The following PRR14L variants were observed in gnomAD, a reference collection of about 807,000 sequenced individuals.
PRR14L encodes proline rich 14 like.
A neutral mutation model predicts 155.0 loss-of-function variants in PRR14L; 80 were observed. That is an observed-to-expected ratio of 0.52 (90% CI 0.43 to 0.62). The LOEUF is 0.62. Ranked by LOEUF, PRR14L falls within the 20% of genes least tolerant of loss-of-function variation. The probability of loss-of-function intolerance (pLI) is 0.00; values close to 1 mark genes in which losing one functional copy is unlikely to be tolerated. For missense variants in PRR14L, 2,469 were observed against 2,548.0 expected (o/e 0.97, Z 0.67); for synonymous variants, 883 against 916.0 (o/e 0.96, Z 0.65).
chr22:31,729,987 A>G (rs2074739222), intron 2 of PRR14L, among the ~76,000 whole-genome samples: 1 of 151,272 alleles, frequency 6.6e-6, no homozygotes, highest in East Asian at 2.0e-4. Context: ...CATCTCTACT[A>G]AAATACAAAA....
chr22:31,747,012 G>A (rs1466346607), intron 1 of PRR14L, among the ~76,000 whole-genome samples: 1 of 151,854 alleles, frequency 6.6e-6, no homozygotes, highest in Non-Finnish European at 1.5e-5. Context: ...CACTGAGTTA[G>A]CCAGGATGGT....
chr22:31,744,568 T>C (rs1442580092), intron 1 of PRR14L, among the ~76,000 whole-genome samples: 1 of 152,214 alleles, frequency 6.6e-6, no homozygotes, highest in Non-Finnish European at 1.5e-5. Flanking sequence ...CCACTGTGAC[T>C]AGCCACATGC....
chr22:31,712,491 C>A lies in PRR14L; in HGVS notation c.5348G>T (p.Gly1783Val). ...CTGAGTGTGGGTCTGACTATGGACGCCAGTGTCTTCCCTGAATGTTGCCAT... is the reference window on the plus strand; with the variant it reads ...CTGAGTGTGGGTCTGACTATGGACGACAGTGTCTTCCCTGAATGTTGCCAT... The part of the protein sequence containing the change: ...PGMATFREDT[G>V]VHSQTHTQAP... Residue 1783 changes from glycine (G) to valine (V), a missense_variant, in exon 4 of 9, where the codon GGC becomes GTC. Transcript: ENST00000327423. The A allele has an allele frequency of 6.4e-7, 1 of 1,552,058 alleles. No individual in the cohort carries two copies. Among genetic ancestry groups the A allele is most frequent in the Middle Eastern group, 1.7e-4 (1 of 5,990 alleles).
rs1318464824 is a variant in PRR14L at position 31,684,338 on chromosome 22, T to A, written c.*1189A>T. ...TGAGATCCCACTGCAGGAACACATC[T>A]CTGGGTCTGAAACATGACCCCGACT... On this transcript the variant is annotated 3_prime_UTR_variant, in exon 9 of 9. Coordinates refer to ENST00000327423, the MANE Select transcript of PRR14L (RefSeq NM_173566.3). 2 of 152,148 alleles carry A rather than the reference T, an allele frequency of 1.3e-5. No individual in the cohort carries two copies. The highest frequency in any genetic ancestry group is 3.9e-4 in the East Asian group (2 of 5,194). 9.4% of individuals were successfully genotyped at this position (152,148 alleles called of 1,614,324 possible).
intron 2 of PRR14L, among the ~76,000 whole-genome samples, chr22:31,731,848 C>T (rs1441951050): frequency 6.6e-6 from 1 of 152,126 alleles, no homozygotes; most frequent in African/African-American, 2.4e-5. Flanking sequence ...TTACTGTTTG[C>T]TAAAGTAATG....
intron 3 of PRR14L, among the ~76,000 whole-genome samples, chr22:31,721,299 A>G (rs753916834): frequency 2.0e-5 from 3 of 152,250 alleles, no homozygotes; most frequent in Non-Finnish European, 4.4e-5. Context: ...CATCCTACCA[A>G]TTAAAGGCTC....
In PRR14L at chr22:31,713,633, T is replaced by G; in HGVS notation, c.4206A>C (p.Glu1402Asp). The stretch of plus-strand genomic sequence containing the variant: ...CTTTTTGTTGACGTATATATTTCTC[T>G]TCTTTCTGCAACATGTAGTCCAAAA... ...PEVLDYMLQK[E>D]EKYIRQQKAH... Residue 1402 changes from glutamate to aspartate, a missense_variant, in exon 4 of 9, where the codon GAA (glutamate) becomes GAC (aspartate). Glu to Asp is a conservative substitution (Grantham distance 45). This residue lies in a region of PRR14L where 2,363 missense variants were observed against 2,371.6 expected (regional missense o/e 1.00). Coordinates refer to ENST00000327423, the MANE Select transcript of PRR14L (RefSeq NM_173566.3). 6 of 1,551,984 alleles carry G rather than the reference T, an allele frequency of 3.9e-6. No individual in the cohort carries two copies. The highest frequency in any genetic ancestry group is 5.2e-6 in the Non-Finnish European group (6 of 1,147,058).
In PRR14L at chr22:31,713,632, CTT is replaced by C; in HGVS notation, c.4205_4206del (p.Glu1402GlyfsTer20). The stretch of plus-strand genomic sequence containing the variant: ...GCTTTTTGTTGACGTATATATTTCT[CTT>C]CTTTCTGCAACATGTAGTCCAAAAC... ...PEVLDYMLQK[E>X]EKYIRQQKAH... On this transcript the variant is annotated frameshift_variant, in exon 4 of 9. Coordinates refer to ENST00000327423, the MANE Select transcript of PRR14L (RefSeq NM_173566.3). LOFTEE classifies it high-confidence loss of function. The C allele has an allele frequency of 6.4e-7, 1 of 1,551,914 alleles. No homozygotes were observed. The highest frequency in any genetic ancestry group is 8.7e-7 in the Non-Finnish European group (1 of 1,147,044).
chr22:31,714,948 T>C lies in PRR14L; in HGVS notation c.2891A>G (p.Gln964Arg). 6.4e-7 allele frequency: 1 copy of C among 1,552,084 alleles called. No individual in the cohort carries two copies. Among genetic ancestry groups the C allele is most frequent in the Non-Finnish European group, 8.7e-7 (1 of 1,147,034 alleles). The stretch of plus-strand genomic sequence containing the variant: ...ACAGTCAAGGACTTCATCTGCCTTC[T>C]GATCGAGTGTTTCAACTGATTTTAC... The part of the protein sequence containing the change: ...KNVKSVETLD[Q>R]KADEVLDCQS... Residue 964 changes from glutamine to arginine, a missense_variant, in exon 4 of 9, where the codon CAG becomes CGG. Around this residue, in one of 2 missense-constraint regions of PRR14L, gnomAD observed 2,363 missense variants for 2,371.6 expected, o/e 1.00. Coordinates refer to ENST00000327423, the MANE Select transcript of PRR14L (RefSeq NM_173566.3).
intron 1 of PRR14L, among the ~76,000 whole-genome samples, chr22:31,744,962 C>T (rs531919092): frequency 1.3e-5 from 2 of 152,182 alleles, no homozygotes; most frequent in African/African-American, 4.8e-5. Context: ...AACAGACACC[C>T]CCTCCTTTTT....
rs548641284 is a variant in PRR14L at position 31,716,392 on chromosome 22, C to T, written c.1447G>A (p.Val483Ile). 50 of 1,549,692 alleles carry T rather than the reference C, an allele frequency of 3.2e-5. No individual in the cohort carries two copies. Among genetic ancestry groups the T allele is most frequent in the Admixed American group, 4.0e-5 (2 of 50,596 alleles). Reference sequence around the variant, plus strand: ...TCAGGGTTTGTCAAGTTACCTTGAACGTGTACAGTAATTTTCAAATCATTT... The same window carrying T: ...TCAGGGTTTGTCAAGTTACCTTGAATGTGTACAGTAATTTTCAAATCATTT... ...NKNDLKITVH[V>I]QGNLTNPEDH... Residue 483 changes from valine to isoleucine, a missense_variant, in exon 4 of 9, where the codon GTT (valine) becomes ATT (isoleucine). By Grantham distance (29) the Val-to-Ile change is conservative (BLOSUM62 3). Transcript: ENST00000327423.
rs990010673 is a variant in PRR14L, at chr22:31,737,430, G to T, written c.474+957C>A. Among the ~76,000 whole-genome samples the T allele has an allele frequency of 7.9e-5, 12 of 151,048 alleles. No individual in the cohort carries two copies. The East Asian group carries it at 1.8e-3, about 23-fold the overall frequency. On this transcript the variant is annotated intron_variant, in intron 2 of 8. Transcript: ENST00000327423. The stretch of plus-strand genomic sequence containing the variant: ...TGGGAGGCAGAGGTTGCAGTGAGCC[G>T]AGATCAAACCACTGCACTTCAGCCT...
intron 2 of PRR14L, among the ~76,000 whole-genome samples, chr22:31,734,006 C>T (rs1601515090): frequency 6.6e-6 from 1 of 152,068 alleles, no homozygotes; most frequent in South Asian, 2.1e-4. Context: ...GGGAGTCTCA[C>T]TCTGTCGCCA....
chr22:31,710,959 T>C (rs1157668585), intron 4 of PRR14L, among the ~76,000 whole-genome samples: 1 of 152,244 alleles, frequency 6.6e-6, no homozygotes, highest in African/African-American at 2.4e-5. Flanking sequence ...AGCCTCTACA[T>C]TGCCAAAAGG....
chr22:31,742,254 G>A (rs979018345), intron 1 of PRR14L, among the ~76,000 whole-genome samples: 6 of 152,238 alleles, frequency 3.9e-5, no homozygotes, highest in African/African-American at 1.2e-4. Flanking sequence ...CTACCACAGA[G>A]ATATGGGTGT....
intron 1 of PRR14L, among the ~76,000 whole-genome samples, chr22:31,749,435 C>G (rs1000352690): frequency 5.9e-5 from 9 of 152,084 alleles, no homozygotes; most frequent in Non-Finnish European, 1.3e-4. Context: ...TCTTGGGGTA[C>G]AGGCGAAAAA....
chr22:31,729,467 T>C (rs2074736083), intron 2 of PRR14L, among the ~76,000 whole-genome samples: 1 of 152,194 alleles, frequency 6.6e-6, no homozygotes, highest in South Asian at 2.1e-4. Context: ...TCTGCCCACC[T>C]TGGCCTCCCA....
At chr22:31,706,364 C>CAAAAAA (rs1192585065) in intron 4 of PRR14L, among the ~76,000 whole-genome samples, 1 of 57,116 alleles carries the variant, frequency 1.8e-5, no homozygotes, top group African/African-American at 6.3e-5. Context: ...CTCTATCTCA[C>CAAAAAA]AAAAAAAAAA....
At chr22:31,717,704 A>G (rs1439862897) in intron 3 of PRR14L, among the ~76,000 whole-genome samples, 2 of 152,210 alleles carry the variant, frequency 1.3e-5, no homozygotes, top group Non-Finnish European at 2.9e-5. Context: ...ATTAGATGTC[A>G]TCGATAAAAT....
Sources: allele counts gnomAD v4.1 joint callset (sites outside exome capture counted in the v4.1 genomes callset), GRCh38; gene constraint gnomAD v4.1.1; regional missense constraint gnomAD v4.1.1; transcripts MANE v1.5; gene names NCBI Gene and HGNC (gene_info 2026-07-23, HGNC 2026-07-21).